Variants in MBNL2 observed in about 807,000 individuals in gnomAD.
MBNL2 encodes muscleblind like splicing regulator 2, also known as muscleblind-like protein 2.
Under a neutral mutation model 41.9 loss-of-function variants are expected in MBNL2, and 17 were observed. The ratio of observed to expected loss-of-function variants is 0.41; its 90% confidence interval spans 0.28 to 0.61. The LOEUF (loss-of-function observed/expected upper bound fraction) is 0.61, where lower values mean the gene tolerates loss of function less well. Among genes scored for constraint, MBNL2 ranks in the 20% least tolerant of loss-of-function variants. The pLI, the probability that MBNL2 is intolerant of heterozygous loss-of-function variation, is 0.35. For synonymous variants in MBNL2, 195 were observed against 182.9 expected, an observed-to-expected ratio of 1.07 and a Z score of -0.53; for missense variants, 336 against 505.6, an observed-to-expected ratio of 0.66 and a Z score of 3.22.
chr13:97,286,002 C>A (rs1168537724), intron 2 of MBNL2, among the ~76,000 whole-genome samples: 1 of 152,214 alleles, frequency 6.6e-6, no homozygotes, highest in Non-Finnish European at 1.5e-5. Context: ...TGCCTTAAAG[C>A]CTTTGTGCTT....
chr13:97,205,042 C>T, the MBNL2 span, among the ~76,000 whole-genome samples: 20 of 151,586 alleles, frequency 1.3e-4, no homozygotes, highest in African/African-American at 3.9e-4. Flanking sequence ...CATGGTGGCA[C>T]GCACCTGTAG....
chr13:97,297,227 T>C (rs893937294), intron 2 of MBNL2, among the ~76,000 whole-genome samples: 1 of 152,134 alleles, frequency 6.6e-6, no homozygotes, highest in African/African-American at 2.4e-5. Flanking sequence ...CTAACATACA[T>C]GAGGTTCTGT....
chr13:97,152,649 A>G, the MBNL2 span, among the ~76,000 whole-genome samples: 1 of 152,214 alleles, frequency 6.6e-6, no homozygotes, highest in Non-Finnish European at 1.5e-5. Context: ...TTCTTAGGGT[A>G]TGATTTCGAA....
Position 97,334,525 on chromosome 13 carries a change from C to G in MBNL2, c.339+85C>G. The G allele has an allele frequency of 1.1e-6, 1 of 924,888 alleles. No individual in the cohort carries two copies. The highest frequency in any genetic ancestry group is 1.6e-6 in the Non-Finnish European group (1 of 637,850). The allele number at this position is 924,888 out of a possible 1,614,324, so 57.3% of individuals were successfully genotyped here. ...CACGTTGACCTAGGGTGGCCTCTCT[C>G]CACTTTGTCACTTTGGTTACAATTA... On this transcript the variant is annotated intron_variant, in intron 3 of 8. Coordinates refer to ENST00000679496, the MANE Select transcript of MBNL2 (RefSeq NM_001382683.1). The surrounding 1 kb of genome is among the most constrained non-coding windows in gnomAD (Gnocchi z 5.3).
At chr13:97,340,406 C>G (rs2061353970) in intron 3 of MBNL2, among the ~76,000 whole-genome samples, 1 of 152,152 alleles carries the variant, frequency 6.6e-6, no homozygotes, top group Non-Finnish European at 1.5e-5. Flanking sequence ...TATTTTTACT[C>G]ACTTTTATAC....
chr13:97,376,967 T>C (rs1354658325), intron 8 of MBNL2, among the ~76,000 whole-genome samples: 1 of 152,202 alleles, frequency 6.6e-6, no homozygotes, highest in East Asian at 1.9e-4. Flanking sequence ...CAATATTATT[T>C]CCCTTCCCAA....
intron 1 of MBNL2, among the ~76,000 whole-genome samples, chr13:97,258,169 G>C (rs867381233): frequency 6.6e-6 from 1 of 151,888 alleles, no homozygotes; most frequent in Non-Finnish European, 1.5e-5. Context: ...CTAATAACTC[G>C]TGGTGTCACA....
rs547440101 is a variant in MBNL2 at position 97,244,680 on chromosome 13, T to C, written c.-605+22149T>C. On this transcript the variant is annotated intron_variant, in intron 1 of 8. Transcript: ENST00000679496. ...CTGTTTGTTTTGCTGCTGGTGCACA[T>C]TGGTCAAAGAATCAGACATTTGTTT... Among the ~76,000 whole-genome samples the C allele has an allele frequency of 3.9e-5, 6 of 152,328 alleles. No individual in the cohort carries two copies. The East Asian group carries it at 9.6e-4, about 24-fold the overall frequency.
chr13:97,348,086 T>TG (rs2062059183), intron 5 of MBNL2, among the ~76,000 whole-genome samples: 1 of 150,274 alleles, frequency 6.7e-6, no homozygotes, highest in African/African-American at 2.5e-5. Context: ...TTTTTTTTTT[T>TG]TTTTTTTTTT....
chr13:97,167,474 G>T, the MBNL2 span, among the ~76,000 whole-genome samples: 3 of 151,886 alleles, frequency 2.0e-5, no homozygotes, highest in African/African-American at 7.2e-5. Context: ...AAAGTAAAGG[G>T]GATAAAGCGC....
chr13:97,357,365 A>C (rs933372295), intron 6 of MBNL2, 117 bp from the exon 7 acceptor site: 1 of 810,112 alleles, frequency 1.2e-6, no homozygotes, highest in African/African-American at 1.7e-5. Flanking sequence ...GGTGCATGGC[A>C]GAGGCATCTC....
At chr13:97,295,605 G>A (rs191419697) in intron 2 of MBNL2, among the ~76,000 whole-genome samples, 7 of 152,230 alleles carry the variant, frequency 4.6e-5, no homozygotes, top group Admixed American at 3.3e-4. Context: ...AACGTGCACC[G>A]TAGTAATCTT....
intron 8 of MBNL2, 25 bp from the exon 9 acceptor site, chr13:97,391,297 T>G: frequency 9.9e-7 from 1 of 1,010,754 alleles, no homozygotes; most frequent in Non-Finnish European, 1.6e-6. Flanking sequence ...GATACCTAAA[T>G]CATGCTTGTC....
intron 8 of MBNL2, among the ~76,000 whole-genome samples, chr13:97,369,861 C>A (rs1441345018): frequency 6.6e-6 from 1 of 152,026 alleles, no homozygotes; most frequent in Non-Finnish European, 1.5e-5. Flanking sequence ...GCTTTGGGAG[C>A]AGATAAGGAA....
intron 1 of MBNL2, among the ~76,000 whole-genome samples, chr13:97,257,309 C>T (rs926096853): frequency 1.2e-4 from 18 of 152,090 alleles, no homozygotes; most frequent in Non-Finnish European, 2.1e-4. Context: ...ATGATAAAAT[C>T]GTTTTGGAAA....
At chr13:97,260,148 G>T (rs1370313756) in intron 1 of MBNL2, among the ~76,000 whole-genome samples, 1 of 152,222 alleles carries the variant, frequency 6.6e-6, no homozygotes. Flanking sequence ...CATCAGGAAA[G>T]ACTGCCCCAT....
chr13:97,353,472 C>T (rs923603514), intron 5 of MBNL2, among the ~76,000 whole-genome samples: 6 of 152,284 alleles, frequency 3.9e-5, no homozygotes, highest in African/African-American at 7.2e-5. Context: ...ATATTCCATT[C>T]GCCTGACTTC....
chr13:97,274,356 G>T (rs1465248735), intron 1 of MBNL2, among the ~76,000 whole-genome samples: 4 of 152,060 alleles, frequency 2.6e-5, no homozygotes, highest in African/African-American at 4.8e-5. Flanking sequence ...AATTAGCCAG[G>T]CGTGGTGTCA....
rs117700791 is a variant in MBNL2 at position 97,268,396 on chromosome 13, G to A, written c.-604-7236G>A. Among the ~76,000 whole-genome samples, 3,903 of 152,200 alleles carry A rather than the reference G, an allele frequency of 0.026. 94 individuals carry two copies. Among genetic ancestry groups the A allele is most frequent in the Non-Finnish European group, 0.04 (2,691 of 67,998 alleles). On this transcript the variant is annotated intron_variant, in intron 1 of 8. Coordinates refer to ENST00000679496, the MANE Select transcript of MBNL2 (RefSeq NM_001382683.1). The surrounding 1 kb of genome is among the most constrained non-coding windows in gnomAD (Gnocchi z 4.6). ...GATTACAGGTGTGAGCCACTGCGCC[G>A]GGCCGAGAGTGTGCATTCCTAACAA...
Sources: gnomAD v4.1 joint callset for allele counts (sites outside exome capture counted in the v4.1 genomes callset) on GRCh38, gnomAD v4.1.1 for gene constraint, Gnocchi (gnomAD v3.1) non-coding constraint, MANE v1.5 for transcripts, NCBI Gene and HGNC (gene_info 2026-07-23, HGNC 2026-07-21) for gene names.